The following PPP4R3A variants were observed in gnomAD, a reference collection of about 807,000 sequenced individuals.
The protein encoded by PPP4R3A is protein phosphatase 4 regulatory subunit 3A, also known as serine/threonine-protein phosphatase 4 regulatory subunit 3A.
PPP4R3A carries 15 observed loss-of-function variants against 91.7 expected under a neutral mutation model. The ratio of observed to expected loss-of-function variants is 0.16; its 90% CI spans 0.11 to 0.25. The LOEUF (loss-of-function observed/expected upper bound fraction) is 0.25, where lower values mean the gene tolerates loss of function less well. Ranked by LOEUF, PPP4R3A falls within the 10% of genes least tolerant of loss-of-function variation. PPP4R3A has a pLI of 1.00. For synonymous variants in PPP4R3A, 377 were observed against 348.7 expected (o/e 1.08, Z -0.91); for missense variants, 623 against 998.4 (o/e 0.62, Z 5.07).
chr14:91,502,893 C>G (rs920511016), intron 1 of PPP4R3A, among the ~76,000 whole-genome samples: 13 of 152,210 alleles, frequency 8.5e-5, no homozygotes, highest in Admixed American at 2.0e-4. Flanking sequence ...GATGCCTTGG[C>G]AAGTACTTCG....
At chr14:91,476,117 C>T (rs12885921) in intron 6 of PPP4R3A, 151 bp from the exon 7 acceptor site, 63,067 of 779,388 alleles carry the variant, frequency 0.081, 3,055 homozygotes, top group Middle Eastern at 0.14. Context: ...TCTTATTGTA[C>T]GGATAAAATT....
intron 2 of PPP4R3A, 125 bp downstream of exon 2, chr14:91,490,622 T>C: frequency 2.8e-6 from 2 of 704,630 alleles, no homozygotes; most frequent in Non-Finnish European, 4.7e-6. Context: ...GAAATCCTAT[T>C]TTAGAATTTC....
Position 91,473,260 on chromosome 14 carries a change from C to G in PPP4R3A, c.1377G>C (p.Glu459Asp). 1.2e-6 allele frequency: 2 copies of G among 1,613,850 alleles called. No individual in the cohort carries two copies. The highest frequency in any genetic ancestry group is 1.7e-6 in the Non-Finnish European group (2 of 1,179,896). ...TTACATTGGCAGTGGCTAGCATGTT[C>G]TCTGGGTCAACTAAAGTTCGAAGCA... The part of the protein sequence containing the change: ...MGLLRTLVDP[E>D]NMLATANKTE... The change falls in exon 8 of 15, where the codon GAG becomes GAC. Residue 459 changes from glutamate (E) to aspartate (D), a missense_variant. By Grantham distance (45) the Glu-to-Asp change is conservative (BLOSUM62 2). Around this residue, in one of 5 missense-constraint regions of PPP4R3A, gnomAD observed 87 missense variants for 233.9 expected, o/e 0.37. Coordinates refer to ENST00000554943, the MANE Select transcript of PPP4R3A (RefSeq NM_001366432.2).
chr14:91,462,308 T>C (rs1888210354), intron 12 of PPP4R3A, 69 bp from the exon 13 acceptor site: 4 of 1,357,908 alleles, frequency 2.9e-6, no homozygotes, highest in Non-Finnish European at 3.8e-6. Flanking sequence ...AGATGACTTA[T>C]TAAACTTGTT....
rs1888206136 is a variant in PPP4R3A, at chr14:91,462,247, T to C, written c.1974-8A>G. 15 of 1,567,566 alleles carry C rather than the reference T, an allele frequency of 9.6e-6. No homozygotes were observed. Among genetic ancestry groups the C allele is most frequent in the African/African-American group, 1.4e-5 (1 of 72,668 alleles). ...CTCAAAATGGAACGCATACTATGAG[T>C]AGGGAAGAAAGAGTAAATACAATCA... On this transcript the variant is annotated splice_region_variant and splice_polypyrimidine_tract_variant and intron_variant, in intron 12 of 14. Transcript: ENST00000554943.
chr14:91,475,009 T>C (rs2140098259), intron 7 of PPP4R3A: 1 of 152,196 alleles, frequency 6.6e-6, no homozygotes, highest in Admixed American at 6.5e-5. Flanking sequence ...AGTAAGACAG[T>C]CTATTTTCCT....
chr14:91,505,637 A>G (rs1348328031), intron 1 of PPP4R3A, among the ~76,000 whole-genome samples: 1 of 152,224 alleles, frequency 6.6e-6, no homozygotes, highest in East Asian at 1.9e-4. Context: ...ATTTTGTTCT[A>G]AAGAAATAAT....
At chr14:91,500,786 C>T (rs559260142) in intron 1 of PPP4R3A, among the ~76,000 whole-genome samples, 3 of 152,262 alleles carry the variant, frequency 2.0e-5, no homozygotes, top group Admixed American at 2.0e-4. Context: ...CTTTGGAAAG[C>T]TGAGGTGGGT....
intron 1 of PPP4R3A, among the ~76,000 whole-genome samples, chr14:91,501,037 T>C (rs986751057): frequency 1.3e-5 from 2 of 151,874 alleles, no homozygotes; most frequent in Admixed American, 1.3e-4. Context: ...GTCTCTAAAA[T>C]TTAAAAACAA....
At position 91,457,885 on chromosome 14, in the gene PPP4R3A, T is replaced by TAAGA. The variant is rs1237594229; in HGVS notation, c.*870_*873dup. On this transcript the variant is annotated 3_prime_UTR_variant, in exon 15 of 15. Coordinates refer to ENST00000554943, the MANE Select transcript of PPP4R3A (RefSeq NM_001366432.2). ...TATTGCTTTTGTATGCACATAGTTGTAAGATTACTTTGCTTTTGTCAATAA... is the reference window on the plus strand; with the variant it reads ...TATTGCTTTTGTATGCACATAGTTGTAAGAAAGATTACTTTGCTTTTGTCAATAA... 1.3e-5 allele frequency: 2 copies of TAAGA among 152,624 alleles called. No individual in the cohort carries two copies. The highest frequency in any genetic ancestry group is 1.5e-5 in the Non-Finnish European group (1 of 68,022). The allele number at this position is 152,624 out of a possible 1,614,324, so 9.5% of individuals were successfully genotyped here. A position where few individuals can be genotyped will look rare whatever the true frequency, so the allele number is the denominator to read the frequency against.
intron 1 of PPP4R3A, among the ~76,000 whole-genome samples, chr14:91,502,138 G>T (rs1891004156): frequency 6.6e-6 from 1 of 152,026 alleles, no homozygotes; most frequent in African/African-American, 2.4e-5. Flanking sequence ...AACTAAAATG[G>T]GCCAGGTGTG....
At chr14:91,460,812 G>A (rs1162867450) in intron 14 of PPP4R3A, among the ~76,000 whole-genome samples, 1 of 151,814 alleles carries the variant, frequency 6.6e-6, no homozygotes, top group African/African-American at 2.4e-5. Context: ...GTAGAAACGG[G>A]GTTTCACCAC....
Position 91,509,825 on chromosome 14 carries a change from G to A in PPP4R3A, c.-178C>T. The A allele has an allele frequency of 8.4e-7, 1 of 1,186,214 alleles. No individual in the cohort carries two copies. The highest frequency in any genetic ancestry group is 1.0e-6 in the Non-Finnish European group (1 of 961,584). The allele number at this position is 1,186,214 out of a possible 1,614,324, so 73.5% of individuals were successfully genotyped here. ...CTGCATGGCCCGCTCCAGGGACCGAGCTCTGGGCCGCCGCCTTTCCTCGCC... is the reference window on the plus strand; with the variant it reads ...CTGCATGGCCCGCTCCAGGGACCGAACTCTGGGCCGCCGCCTTTCCTCGCC... On this transcript the variant is annotated 5_prime_UTR_variant, in exon 1 of 15. Transcript: ENST00000554943.
intron 2 of PPP4R3A, among the ~76,000 whole-genome samples, chr14:91,488,327 A>G (rs1595074829): frequency 2.0e-5 from 3 of 152,364 alleles, no homozygotes; most frequent in Admixed American, 2.0e-4. Flanking sequence ...AGCCAGAAAT[A>G]AACAGATAAG....
chr14:91,504,180 A>AT (rs1203353984), intron 1 of PPP4R3A, among the ~76,000 whole-genome samples: 1 of 120,700 alleles, frequency 8.3e-6, no homozygotes, highest in Non-Finnish European at 1.8e-5. Flanking sequence ...GAAAAAAAAA[A>AT]TTTTTTTTTA....
Position 91,458,636 on chromosome 14 carries a change from T to TAAGA in PPP4R3A, c.*119_*122dup. The TAAGA allele has an allele frequency of 7.2e-7, 1 of 1,393,840 alleles. No homozygotes were observed. The highest frequency in any genetic ancestry group is 1.4e-5 in the African/African-American group (1 of 70,612). 86.3% of individuals were successfully genotyped at this position (1,393,840 alleles called of 1,614,324 possible). A position where few individuals can be genotyped will look rare whatever the true frequency, so the allele number is the denominator to read the frequency against. On this transcript the variant is annotated 3_prime_UTR_variant, in exon 15 of 15. Coordinates refer to ENST00000554943, the MANE Select transcript of PPP4R3A (RefSeq NM_001366432.2). The stretch of plus-strand genomic sequence containing the variant: ...GCACTTGATGAGCAGAAGTCAAGTG[T>TAAGA]AAGAGGCTGATCTGTGTCAGTCATT...
Position 91,474,293 on chromosome 14 carries a change from C to T in PPP4R3A, c.1267-923G>A, listed in dbSNP as rs930823001. On this transcript the variant is annotated intron_variant, in intron 7 of 14. Transcript: ENST00000554943. The stretch of plus-strand genomic sequence containing the variant: ...AAGAGATGGCTGGTTTTCCTGAGGT[C>T]CTATTATGACTGGTATTCCTCACCT... 7.2e-5 allele frequency among the ~76,000 whole-genome samples: 11 copies of T among 152,072 alleles called. 1 individual carries two copies. In the East Asian group the frequency reaches 2.1e-3, roughly 29 times the overall value.
intron 1 of PPP4R3A, among the ~76,000 whole-genome samples, chr14:91,494,865 T>C (rs1193313925): frequency 2.0e-5 from 3 of 152,066 alleles, no homozygotes; most frequent in African/African-American, 7.2e-5. Flanking sequence ...CTGTCTCAAA[T>C]GAAAACAAAA....
chr14:91,494,949 G>A (rs1302563326), intron 1 of PPP4R3A, among the ~76,000 whole-genome samples: 3 of 152,074 alleles, frequency 2.0e-5, no homozygotes, highest in South Asian at 2.1e-4. Flanking sequence ...AATAACAAGC[G>A]GTGACAAGGC....
Sources: gnomAD v4.1 joint callset for allele counts (sites outside exome capture counted in the v4.1 genomes callset) on GRCh38, gnomAD v4.1.1 for gene constraint, gnomAD v4.1.1 regional missense constraint, MANE v1.5 for transcripts, NCBI Gene and HGNC (gene_info 2026-07-23, HGNC 2026-07-21) for gene names.